NPAS3: variants seen among roughly 807,000 people sequenced by gnomAD.
NPAS3 encodes the protein neuronal PAS domain-containing protein 3.
A neutral mutation model predicts 73.1 loss-of-function variants in NPAS3; 14 were observed. That is an observed-to-expected ratio of 0.19 (90% CI 0.13 to 0.30). The LOEUF (loss-of-function observed/expected upper bound fraction) is 0.30, where lower values mean the gene tolerates loss of function less well. Among genes scored for constraint, NPAS3 ranks in the 10% least tolerant of loss-of-function variants. The pLI is 1.00. For missense variants in NPAS3, 1,096 were observed against 1,250.0 expected (o/e 0.88, Z 1.86); for synonymous variants, 620 against 541.5 (o/e 1.14, Z -2.01).
chr14:33,657,995 T>G (rs1169273420), intron 5 of NPAS3, among the ~76,000 whole-genome samples: 1 of 152,190 alleles, frequency 6.6e-6, no homozygotes, highest in African/African-American at 2.4e-5. Flanking sequence ...TTTTCTGGGA[T>G]GCCAGCCACA....
chr14:33,739,596 G>C (rs2061606209), intron 7 of NPAS3, among the ~76,000 whole-genome samples: 1 of 152,156 alleles, frequency 6.6e-6, no homozygotes. Flanking sequence ...ATGCTCTGTG[G>C]AATAAGGTGC....
In NPAS3 at chr14:33,600,029, A is replaced by G. The variant is rs2057353487; in HGVS notation, c.558+39819A>G. Among the ~76,000 whole-genome samples, 3 of 152,192 alleles carry G rather than the reference A, an allele frequency of 2.0e-5. No individual in the cohort carries two copies. In the South Asian group the frequency reaches 6.2e-4, roughly 32 times the overall value. On this transcript the variant is annotated intron_variant, in intron 5 of 11. Coordinates refer to ENST00000356141, the Ensembl canonical transcript of NPAS3. ...CTTTGTAAGGTCTTGTGCCCCTGTG[A>G]CATCCAGCCCAGGCACTAGAGTTCC...
chr14:33,261,447 G>A (rs911449356), intron 3 of NPAS3, among the ~76,000 whole-genome samples: 8 of 151,936 alleles, frequency 5.3e-5, no homozygotes, highest in Non-Finnish European at 1.5e-5. Context: ...AATACTTTAT[G>A]GCAATGAACA....
In NPAS3 at chr14:33,362,091, C is replaced by A. The variant is rs150663486; in HGVS notation, c.386-5095C>A. 1.5e-4 allele frequency among the ~76,000 whole-genome samples: 23 copies of A among 152,220 alleles called. No individual in the cohort carries two copies. In the East Asian group the frequency reaches 4.4e-3, roughly 29 times the overall value. The stretch of plus-strand genomic sequence containing the variant: ...ATATATACATATTGCACGAAAACTT[C>A]ACATACAGTGCTTTCAACAACAGAA... On this transcript the variant is annotated intron_variant, in intron 3 of 11. Transcript: ENST00000356141.
At chr14:33,775,696 G>A (rs1221491762) in intron 8 of NPAS3, among the ~76,000 whole-genome samples, 2 of 152,184 alleles carry the variant, frequency 1.3e-5, no homozygotes, top group African/African-American at 4.8e-5. Context: ...CTCTGAATCT[G>A]CATTTCAAAT....
At chr14:33,787,070 G>A (rs2063198815) in intron 9 of NPAS3, among the ~76,000 whole-genome samples, 1 of 151,698 alleles carries the variant, frequency 6.6e-6, no homozygotes, top group Non-Finnish European at 1.5e-5. Context: ...GAAGGTATAG[G>A]TCCTAAAAAA....
chr14:33,684,033 G>A (rs2060015363), intron 6 of NPAS3, among the ~76,000 whole-genome samples: 1 of 151,602 alleles, frequency 6.6e-6, no homozygotes, highest in East Asian at 1.9e-4. Context: ...TCACAGGTTA[G>A]TTTTGTGGCC....
chr14:33,595,851 T>C (rs1172361044), intron 5 of NPAS3, among the ~76,000 whole-genome samples: 3 of 152,158 alleles, frequency 2.0e-5, no homozygotes, highest in Non-Finnish European at 4.4e-5. Context: ...TTTGTATTTT[T>C]AGTAGAGACG....
intron 5 of NPAS3, among the ~76,000 whole-genome samples, chr14:33,601,126 A>G (rs1299947840): frequency 6.6e-6 from 1 of 152,200 alleles, no homozygotes; most frequent in African/African-American, 2.4e-5. Context: ...GGTTCCAAGA[A>G]ACAGACAGAC....
At chr14:33,756,233 G>C (rs1056662228) in intron 7 of NPAS3, among the ~76,000 whole-genome samples, 1 of 152,136 alleles carries the variant, frequency 6.6e-6, no homozygotes, top group African/African-American at 2.4e-5. Context: ...TAAGTTTCTT[G>C]AGGGAGAAAG....
intron 5 of NPAS3, among the ~76,000 whole-genome samples, chr14:33,584,472 C>G (rs542876786): frequency 5.3e-5 from 8 of 151,188 alleles, no homozygotes; most frequent in Non-Finnish European, 1.0e-4. Flanking sequence ...TTAAAAATTT[C>G]CAGAGTCAGC....
chr14:33,095,646 G>A (rs1247174783), intron 2 of NPAS3, among the ~76,000 whole-genome samples: 1 of 148,874 alleles, frequency 6.7e-6, no homozygotes. Context: ...CAAAGGCGTG[G>A]GCATTCTCTG....
chr14:33,366,484 G>A (rs2045851435), intron 3 of NPAS3, among the ~76,000 whole-genome samples: 1 of 152,134 alleles, frequency 6.6e-6, no homozygotes, highest in Admixed American at 6.5e-5. Flanking sequence ...GACTCTTAGT[G>A]AGAAAACAGG....
chr14:33,437,943 T>C (rs529370530), intron 4 of NPAS3, among the ~76,000 whole-genome samples: 74 of 152,316 alleles, frequency 4.9e-4, no homozygotes, highest in Admixed American at 1.2e-3. Flanking sequence ...TCCAGCATTG[T>C]CTGTTTATAG....
intron 3 of NPAS3, among the ~76,000 whole-genome samples, chr14:33,338,105 C>T (rs980974097): frequency 6.6e-6 from 1 of 151,998 alleles, no homozygotes; most frequent in Non-Finnish European, 1.5e-5. Flanking sequence ...ACCTCTAGTA[C>T]AGTGCTGAAG....
intron 4 of NPAS3, among the ~76,000 whole-genome samples, chr14:33,533,424 CTTT>C (rs2140191098): frequency 6.6e-6 from 1 of 152,228 alleles, no homozygotes; most frequent in African/African-American, 2.4e-5. Context: ...GTGACAGATG[CTTT>C]TGCTTCACAG....
At chr14:33,576,983 T>C (rs1185058151) in intron 5 of NPAS3, among the ~76,000 whole-genome samples, 1 of 152,150 alleles carries the variant, frequency 6.6e-6, no homozygotes, top group Non-Finnish European at 1.5e-5. Context: ...CAAATTAATA[T>C]TCCTATTTTA....
intron 10 of NPAS3, among the ~76,000 whole-genome samples, chr14:33,796,448 C>T (rs2063515375): frequency 6.6e-6 from 1 of 152,200 alleles, no homozygotes; most frequent in Non-Finnish European, 1.5e-5. Context: ...TGAATTACCC[C>T]TCCCAGGAAC....
rs1285716267 is a variant in NPAS3, at chr14:33,204,958, G to T, written c.141-10224G>T. 1.2e-4 allele frequency among the ~76,000 whole-genome samples: 19 copies of T among 152,116 alleles called. No homozygotes were observed. The East Asian group carries it at 1.9e-3, about 15-fold the overall frequency. ...AAAAAAAAATGCCTTTAAGCATCAA[G>T]GCACTTCTCATGCTCAATTTGGATC... is the stretch of plus-strand genomic sequence containing the variant. On this transcript the variant is annotated intron_variant, in intron 2 of 11. Transcript: ENST00000356141.
Sources: gnomAD v4.1 joint callset for allele counts (sites outside exome capture counted in the v4.1 genomes callset) on GRCh38, gnomAD v4.1.1 for gene constraint, MANE v1.5 for transcripts, NCBI Gene and HGNC (gene_info 2026-07-23, HGNC 2026-07-21) for gene names.